Variants in PCCA observed in about 807,000 individuals in gnomAD.
PCCA encodes the protein propionyl-CoA carboxylase subunit alpha.
Under a neutral mutation model 101.3 loss-of-function variants are expected in PCCA, and 74 were observed. The observed-to-expected ratio is 0.73, with a 90% CI of 0.61 to 0.89. The LOEUF is 0.89. Among genes scored for constraint, PCCA ranks in the 40% least tolerant of loss-of-function variants. The pLI is 0.00. For missense variants in PCCA, 891 were observed against 907.0 expected (o/e 0.98, Z 0.23); for synonymous variants, 294 against 313.6 (o/e 0.94, Z 0.66).
At chr13:100,519,144 C>T (rs995086289) in intron 22 of PCCA, among the ~76,000 whole-genome samples, 9 of 152,192 alleles carry the variant, frequency 5.9e-5, no homozygotes, top group East Asian at 1.9e-4. Flanking sequence ...AAGTAATGTT[C>T]GTATTCTGCA....
intron 16 of PCCA, among the ~76,000 whole-genome samples, chr13:100,317,675 C>T (rs2067512860): frequency 6.6e-6 from 1 of 152,144 alleles, no homozygotes; most frequent in Admixed American, 6.5e-5. Flanking sequence ...CAGTCTTAAC[C>T]TCCAGGGTTC....
chr13:100,529,965 TGG>T, intron 23 of PCCA, 131 bp from the exon 24 acceptor site: 1 of 744,612 alleles, frequency 1.3e-6, no homozygotes, highest in East Asian at 2.7e-5. Flanking sequence ...TCCGGTGGGG[TGG>T]GGTGGCTTGT....
chr13:100,209,015 C>A (rs1054624489), intron 6 of PCCA, among the ~76,000 whole-genome samples: 6 of 152,102 alleles, frequency 3.9e-5, no homozygotes, highest in Admixed American at 3.9e-4. Flanking sequence ...TTACGGGTGA[C>A]CTTACTGGCT....
intron 18 of PCCA, among the ~76,000 whole-genome samples, chr13:100,351,671 A>C (rs1280371791): frequency 2.0e-5 from 3 of 152,210 alleles, no homozygotes; most frequent in East Asian, 3.8e-4. Flanking sequence ...TGTGTGCTTT[A>C]ATATCTCTTC....
intron 21 of PCCA, among the ~76,000 whole-genome samples, chr13:100,509,703 A>C (rs182850672): frequency 6.6e-6 from 1 of 152,364 alleles, no homozygotes; most frequent in Non-Finnish European, 1.5e-5. Flanking sequence ...TCGTTGTTTT[A>C]ATGGTAGATG....
intron 6 of PCCA, among the ~76,000 whole-genome samples, chr13:100,205,352 C>T (rs2152471288): frequency 6.6e-6 from 1 of 152,292 alleles, no homozygotes; most frequent in Non-Finnish European, 1.5e-5. Flanking sequence ...GAGCCAAGAG[C>T]CTCTAATGTT....
At chr13:100,109,873 T>A (rs1172124055) in intron 2 of PCCA, among the ~76,000 whole-genome samples, 1 of 152,220 alleles carries the variant, frequency 6.6e-6, no homozygotes. Flanking sequence ...GGCTCAGGCT[T>A]GTAATCCCAG....
At chr13:100,405,216 G>A (rs1036248004) in intron 19 of PCCA, among the ~76,000 whole-genome samples, 7 of 152,146 alleles carry the variant, frequency 4.6e-5, no homozygotes, top group African/African-American at 1.7e-4. Flanking sequence ...AGGAAACCTC[G>A]GAGTGATGGG....
chr13:100,455,699 GTTTC>G (rs2081656514), intron 21 of PCCA, among the ~76,000 whole-genome samples: 2 of 151,928 alleles, frequency 1.3e-5, no homozygotes, highest in African/African-American at 4.8e-5. Flanking sequence ...ATATGCAATC[GTTTC>G]TTTCTTTTTT....
At chr13:100,518,270 T>TA (rs1452930679) in intron 22 of PCCA, among the ~76,000 whole-genome samples, 18 of 152,186 alleles carry the variant, frequency 1.2e-4, no homozygotes, top group Admixed American at 1.0e-3. Context: ...CAATAAGTTC[T>TA]AAAAAAAGTG....
At chr13:100,188,330 C>T (rs367850870) in intron 6 of PCCA, among the ~76,000 whole-genome samples, 1 of 106,956 alleles carries the variant, frequency 9.3e-6, no homozygotes, top group Non-Finnish European at 2.0e-5. Flanking sequence ...AAAACAAAAA[C>T]ACAAAGAAAG....
chr13:100,512,523 T>C (rs1225638793), intron 21 of PCCA, among the ~76,000 whole-genome samples: 2 of 152,304 alleles, frequency 1.3e-5, no homozygotes, highest in Non-Finnish European at 2.9e-5. Flanking sequence ...AACACCTTCC[T>C]AAGCCAGCGG....
chr13:100,101,346 T>C (rs894782493), intron 1 of PCCA, among the ~76,000 whole-genome samples: 1 of 152,200 alleles, frequency 6.6e-6, no homozygotes, highest in Non-Finnish European at 1.5e-5. Flanking sequence ...CTGTGACCTT[T>C]GAAAAGTTAA....
Position 100,530,219 on chromosome 13 carries a change from G to A in PCCA, c.*53G>A. 1 of 1,337,234 alleles carries A rather than the reference G, an allele frequency of 7.5e-7. No individual in the cohort carries two copies. The highest frequency in any genetic ancestry group is 1.1e-6 in the Non-Finnish European group (1 of 928,574). The allele number at this position is 1,337,234 out of a possible 1,614,324, so 82.8% of individuals were successfully genotyped here. ...CAATTTAATTAGCCATTTGCATGATGCTTTCACACACAATTGATTCAAGCA... is the reference window on the plus strand; with the variant it reads ...CAATTTAATTAGCCATTTGCATGATACTTTCACACACAATTGATTCAAGCA... On this transcript the variant is annotated 3_prime_UTR_variant, in exon 24 of 24. Transcript: ENST00000376285.
chr13:100,265,069 G>A (rs2062835998), intron 10 of PCCA, among the ~76,000 whole-genome samples: 1 of 152,082 alleles, frequency 6.6e-6, no homozygotes, highest in African/African-American at 2.4e-5. Flanking sequence ...TCCGAGTTCT[G>A]TATCAATTTT....
At chr13:100,270,069 A>G (rs1372854466) in intron 11 of PCCA, among the ~76,000 whole-genome samples, 1 of 152,230 alleles carries the variant, frequency 6.6e-6, no homozygotes, top group African/African-American at 2.4e-5. Context: ...CACACCAGCC[A>G]GTATGCTGTG....
At chr13:100,491,551 CTCA>C (rs1299110257) in intron 21 of PCCA, 1 of 547,194 alleles carries the variant, frequency 1.8e-6, no homozygotes. Flanking sequence ...AAAGTACTGA[CTCA>C]CTGCAAACAG....
chr13:100,524,401 G>GTGTGTGTGTT (rs1323685897), intron 22 of PCCA, among the ~76,000 whole-genome samples: 2 of 151,828 alleles, frequency 1.3e-5, no homozygotes, highest in Non-Finnish European at 1.5e-5. Flanking sequence ...GTGTGTGTGT[G>GTGTGTGTGTT]TGTGTGTGTG....
intron 1 of PCCA, 147 bp from the exon 2 acceptor site, chr13:100,102,736 T>C (rs975278356): frequency 1.6e-6 from 1 of 641,566 alleles, no homozygotes; most frequent in African/African-American, 1.8e-5. Context: ...TGATTTCCCT[T>C]TTGTAATTAT....
Sources: allele counts gnomAD v4.1 joint callset (sites outside exome capture counted in the v4.1 genomes callset), GRCh38; gene constraint gnomAD v4.1.1; transcripts MANE v1.5; gene names NCBI Gene and HGNC (gene_info 2026-07-23, HGNC 2026-07-21).